The following RASL12 variants were observed in gnomAD, a reference collection of about 807,000 sequenced individuals.
RASL12 encodes the protein RAS like family 12.
In RASL12, 16 loss-of-function variants were observed where a neutral mutation model predicts 22.9. That is an observed-to-expected ratio of 0.70 (90% CI 0.47 to 1.06). The LOEUF (loss-of-function observed/expected upper bound fraction) is 1.06. Among genes scored for constraint, RASL12 ranks in the 50% least tolerant of loss-of-function variants. RASL12 has a pLI of 0.00. For missense variants in RASL12, 306 were observed against 353.1 expected (o/e 0.87, Z 1.07); for synonymous variants, 159 against 152.2 (o/e 1.04, Z -0.33).
intron 1 of RASL12, among the ~76,000 whole-genome samples, chr15:65,074,217 G>A (rs2086949888): frequency 7.3e-6 from 1 of 137,306 alleles, no homozygotes; most frequent in Admixed American, 7.3e-5. Flanking sequence ...TCTCCAACCT[G>A]CCTGTCCCAC....
downstream of RASL12, among the ~76,000 whole-genome samples, chr15:65,050,254 G>A (rs944565258): frequency 6.6e-6 from 1 of 152,188 alleles, no homozygotes; most frequent in Non-Finnish European, 1.5e-5. Flanking sequence ...AGTACCCAGA[G>A]GGGTCTGGCT....
At position 65,059,369 on chromosome 15, in the gene RASL12, C is replaced by T; in HGVS notation, c.210G>A (p.Leu70=). The T allele has an allele frequency of 6.2e-7, 1 of 1,614,094 alleles. No individual in the cohort carries two copies. Among genetic ancestry groups the T allele is most frequent in the Middle Eastern group, 1.7e-4 (1 of 5,994 alleles). The change falls in exon 3 of 5, where the codon CTG becomes CTA. Residue 70 remains leucine, a synonymous_variant. Coordinates refer to ENST00000220062, the MANE Select transcript of RASL12 (RefSeq NM_016563.4). ...EETVDHQPVH[L]RVMDTADLDT... is the part of the protein sequence containing the mutation. Reference sequence around the variant, plus strand: ...CCAGGTCTGCAGTGTCCATGACCCTCAGGTGGACAGGCTGGTGGTCCACAG... The same window carrying T: ...CCAGGTCTGCAGTGTCCATGACCCTTAGGTGGACAGGCTGGTGGTCCACAG...
chr15:65,066,585 A>C (rs140895250), intron 1 of RASL12, among the ~76,000 whole-genome samples: 1,923 of 152,348 alleles, frequency 0.013, 16 homozygotes, highest in Non-Finnish European at 0.019. Context: ...TCAGTTTGCA[A>C]ACTAATACCC....
At chr15:65,074,498 G>A (rs2946639) in intron 1 of RASL12, among the ~76,000 whole-genome samples, 72,776 of 151,854 alleles carry the variant, frequency 0.48, 18,442 homozygotes, top group East Asian at 0.72. Context: ...AGTTCAAGCT[G>A]TTCTCGTGCC....
At chr15:65,049,009 CAA>C (rs67842486), downstream of RASL12, among the ~76,000 whole-genome samples, 68 of 94,274 alleles carry the variant, frequency 7.2e-4, no homozygotes, top group African/African-American at 2.3e-3. Context: ...GACTCCGTCT[CAA>C]AAAAAAAAAA....
At chr15:65,050,425 C>T (rs1330780454), downstream of RASL12, among the ~76,000 whole-genome samples, 8 of 152,154 alleles carry the variant, frequency 5.3e-5, 1 homozygote, top group Admixed American at 3.3e-4. Context: ...AATGTACATT[C>T]TAGTGGGGAT....
At chr15:65,059,295 G>A (rs763263923) in intron 3 of RASL12, 50 bp downstream of exon 3, 5 of 1,516,050 alleles carry the variant, frequency 3.3e-6, no homozygotes, top group South Asian at 2.3e-5. Context: ...GGACTTCTCA[G>A]GAGGCTATAC....
rs1235799511 is a variant in RASL12, at chr15:65,055,230, C to A, written c.470G>T (p.Gly157Val). 6.2e-7 allele frequency: 1 copy of A among 1,602,636 alleles called. No individual in the cohort carries two copies. Residue 157 changes from glycine (G) to valine (V), a missense_variant, in exon 5 of 5, where the codon GGG (glycine) becomes GTG (valine). Coordinates refer to ENST00000220062, the MANE Select transcript of RASL12 (RefSeq NM_016563.4). ...GGCAGAGACCTCGAAAAACAGGCAC[C>A]CAAACCTGCCTGCCAAAGCCACACC... ...AEGVALAGRFGCLFFEVSACL... is the reference protein window; with the variant it reads ...AEGVALAGRFVCLFFEVSACL...
At chr15:65,051,490 CTCTG>C (rs1295231470), downstream of RASL12, 8 of 1,610,774 alleles carry the variant, frequency 5.0e-6, no homozygotes, top group Non-Finnish European at 6.8e-6. Context: ...TTCCTCAGGG[CTCTG>C]TCCTGTGTGT....
At chr15:65,075,412 G>A (rs1480271740) in intron 1 of RASL12, among the ~76,000 whole-genome samples, 5 of 152,242 alleles carry the variant, frequency 3.3e-5, no homozygotes, top group African/African-American at 4.8e-5. Flanking sequence ...GAATGCGAGC[G>A]CATGGTGCAG....
intron 1 of RASL12, 27 bp from the exon 2 acceptor site, chr15:65,065,300 C>T: frequency 6.2e-7 from 1 of 1,604,458 alleles, no homozygotes; most frequent in Non-Finnish European, 8.5e-7. Flanking sequence ...GAGGTTGGCT[C>T]CATCTCCGCG....
chr15:65,072,777 AG>A (rs577425051), upstream of RASL12, among the ~76,000 whole-genome samples: 503 of 152,236 alleles, frequency 3.3e-3, 4 homozygotes, highest in Middle Eastern at 0.01. Flanking sequence ...CCACTGTGAG[AG>A]GATTGAACCA....
At position 65,067,884 on chromosome 15, in the gene RASL12, C is replaced by T; in HGVS notation, c.-49G>A. The T allele has an allele frequency of 7.2e-7, 1 of 1,396,246 alleles. No homozygotes were observed. Among genetic ancestry groups the T allele is most frequent in the South Asian group, 1.6e-5 (1 of 61,920 alleles). 86.5% of individuals were successfully genotyped at this position (1,396,246 alleles called of 1,614,324 possible). A position where few individuals can be genotyped will look rare whatever the true frequency, so the allele number is the denominator to read the frequency against. ...AGGTCTGCGGCCGGTGGGCCCCGCG[C>T]AGTGCGCCCGCCCGTCGGGGCCCAG... On this transcript the variant is annotated 5_prime_UTR_variant, in exon 1 of 5. Coordinates refer to ENST00000220062, the MANE Select transcript of RASL12 (RefSeq NM_016563.4).
chr15:65,051,516 A>G, downstream of RASL12: 1 of 1,613,386 alleles, frequency 6.2e-7, no homozygotes, highest in South Asian at 1.1e-5. Flanking sequence ...CTTCCCCAGC[A>G]TCTCCCTGGA....
At chr15:65,065,085 G>T in intron 2 of RASL12, 132 bp downstream of exon 2, 1 of 768,970 alleles carries the variant, frequency 1.3e-6, no homozygotes, top group Non-Finnish European at 2.1e-6. Flanking sequence ...CCATGGGCTG[G>T]GTCATCCTGG....
chr15:65,050,205 T>C (rs920242787), downstream of RASL12: 2 of 889,470 alleles, frequency 2.2e-6, no homozygotes, highest in African/African-American at 1.7e-5. Flanking sequence ...GGTCAGGCGG[T>C]ACATTTCCTC....
intron 1 of RASL12, among the ~76,000 whole-genome samples, chr15:65,076,297 G>A (rs1175667316): frequency 2.6e-5 from 4 of 152,196 alleles, no homozygotes; most frequent in South Asian, 2.1e-4. Context: ...AACACTCACC[G>A]TGAAAGTCTG....
downstream of RASL12, among the ~76,000 whole-genome samples, chr15:65,049,030 G>A (rs1054711169): frequency 3.6e-4 from 52 of 144,322 alleles, 1 homozygote; most frequent in African/African-American, 8.9e-4. Context: ...AAAAAAAAGC[G>A]AAATAACTTA....
At chr15:65,051,414 T>G, downstream of RASL12, 1 of 1,100,670 alleles carries the variant, frequency 9.1e-7, no homozygotes, top group Non-Finnish European at 1.4e-6. Flanking sequence ...CAAAGGACAG[T>G]TGATGCTGTA....
Sources: gnomAD v4.1 joint callset for allele counts (sites outside exome capture counted in the v4.1 genomes callset) on GRCh38, gnomAD v4.1.1 for gene constraint, MANE v1.5 for transcripts, NCBI Gene and HGNC (gene_info 2026-07-23, HGNC 2026-07-21) for gene names.